The following CFTR variants were observed in gnomAD, a reference collection of about 807,000 sequenced individuals.
CFTR encodes CF transmembrane conductance regulator, also known as cystic fibrosis transmembrane conductance regulator.
Under a neutral mutation model 171.6 loss-of-function variants are expected in CFTR, and 181 were observed. The observed-to-expected ratio is 1.05, with a 90% CI of 0.93 to 1.19. The LOEUF (loss-of-function observed/expected upper bound fraction) is 1.19, where lower values mean the gene tolerates loss of function less well. Ranked by LOEUF, CFTR falls within the 50% of genes most tolerant of loss-of-function variation. CFTR has a pLI of 0.00. For missense variants in CFTR, 1,968 were observed against 1,734.7 expected (o/e 1.13, Z -2.39); for synonymous variants, 583 against 608.0 (o/e 0.96, Z 0.60).
chr7:117,595,449 A>G (rs1792105456), intron 15 of CFTR, among the ~76,000 whole-genome samples: 1 of 150,642 alleles, frequency 6.6e-6, no homozygotes, highest in Non-Finnish European at 1.5e-5. Context: ...GATTGAAATT[A>G]AACAATTAGA....
intron 1 of CFTR, among the ~76,000 whole-genome samples, chr7:117,501,590 A>T (rs1046514976): frequency 1.3e-5 from 2 of 151,582 alleles, no homozygotes; most frequent in African/African-American, 4.8e-5. Context: ...TACTAAAAAT[A>T]TAAAAAAATA....
chr7:117,581,575 A>G (rs1336244644), intron 11 of CFTR, among the ~76,000 whole-genome samples: 1 of 152,282 alleles, frequency 6.6e-6, no homozygotes, highest in Non-Finnish European at 1.5e-5. Context: ...AATTTTTACA[A>G]CTGTTAAAGG....
intron 24 of CFTR, among the ~76,000 whole-genome samples, chr7:117,661,261 A>T (rs1316162184): frequency 6.6e-6 from 1 of 152,200 alleles, no homozygotes; most frequent in East Asian, 1.9e-4. Context: ...ACAGTGAATA[A>T]AACAGTGAGA....
At chr7:117,500,140 A>G (rs2116629301) in intron 1 of CFTR, among the ~76,000 whole-genome samples, 1 of 152,246 alleles carries the variant, frequency 6.6e-6, no homozygotes, top group South Asian at 2.1e-4. Context: ...TTTTCAAAAG[A>G]AAGGGTGGCT....
chr7:117,628,282 A>G (rs1485475347), intron 22 of CFTR, among the ~76,000 whole-genome samples: 1 of 152,162 alleles, frequency 6.6e-6, no homozygotes, highest in Non-Finnish European at 1.5e-5. Context: ...TGAGTAATTG[A>G]CATTATTTTG....
At chr7:117,631,416 T>C (rs974861372) in intron 22 of CFTR, among the ~76,000 whole-genome samples, 10 of 152,082 alleles carry the variant, frequency 6.6e-5, no homozygotes, top group African/African-American at 2.2e-4. Context: ...TTTTGGGAAG[T>C]CCCTAAAGAC....
chr7:117,504,684 T>A (rs1056764547), intron 2 of CFTR, among the ~76,000 whole-genome samples: 3 of 151,428 alleles, frequency 2.0e-5, no homozygotes, highest in Non-Finnish European at 4.4e-5. Flanking sequence ...AGCCCAGGAG[T>A]TTGAGGTTGC....
Position 117,665,465 on chromosome 7 carries a change from C to T in CFTR, c.4143C>T (p.Tyr1381=), listed in dbSNP as rs397508683. The change falls in exon 26 of 27, where the codon TAC becomes TAT. Residue 1381 remains tyrosine (Y), a synonymous_variant. Coordinates refer to ENST00000003084, the MANE Select transcript of CFTR (RefSeq NM_000492.4). Reference sequence around the variant, plus strand: ...TATTTTCTTTCTTTTCTAGAACATACCAAATAATTAGAAGAACTCTAAAAC... The same window carrying T: ...TATTTTCTTTCTTTTCTAGAACATATCAAATAATTAGAAGAACTCTAAAAC... ...EPSAHLDPVT[Y]QIIRRTLKQA... 2.5e-6 allele frequency: 4 copies of T among 1,591,664 alleles called. No homozygotes were observed. The highest frequency in any genetic ancestry group is 1.1e-5 in the South Asian group (1 of 90,640).
At chr7:117,577,818 T>A (rs1170508694) in intron 11 of CFTR, among the ~76,000 whole-genome samples, 14 of 152,158 alleles carry the variant, frequency 9.2e-5, no homozygotes, top group Admixed American at 9.2e-4. Context: ...GATAAATCTT[T>A]GGAAAGTGGG....
At position 117,592,603 on chromosome 7, in the gene CFTR, A is replaced by T; in HGVS notation, c.2436A>T (p.Leu812Phe). Residue 812 changes from leucine (L) to phenylalanine (F), a missense_variant, in exon 14 of 27, where the codon TTA (leucine) becomes TTT (phenylalanine). Physicochemically the swap from Leu to Phe is conservative, Grantham distance 22. Coordinates refer to ENST00000003084, the MANE Select transcript of CFTR (RefSeq NM_000492.4). ...AACTGGATATATATTCAAGAAGGTT[A>T]TCTCAAGAAACTGGCTTGGAAATAA... ...LTELDIYSRR[L>F]SQETGLEISE... is the part of the protein sequence containing the mutation. 2 of 1,529,050 alleles carry T rather than the reference A, an allele frequency of 1.3e-6. No individual in the cohort carries two copies. The highest frequency in any genetic ancestry group is 1.7e-6 in the Non-Finnish European group (2 of 1,145,508). 94.7% of individuals were successfully genotyped at this position (1,529,050 alleles called of 1,614,324 possible).
intron 24 of CFTR, among the ~76,000 whole-genome samples, chr7:117,659,844 A>G (rs540098988): frequency 2.6e-4 from 40 of 152,346 alleles, no homozygotes; most frequent in African/African-American, 8.7e-4. Flanking sequence ...ACAGAGTATC[A>G]AAAGGAGTTG....
chr7:117,494,742 TATAAA>T (rs980936699), intron 1 of CFTR, among the ~76,000 whole-genome samples: 42 of 152,094 alleles, frequency 2.8e-4, no homozygotes, highest in African/African-American at 9.9e-4. Flanking sequence ...ATGGAATAAT[TATAAA>T]ATAAATACCA....
chr7:117,557,480 A>C (rs1799379677), intron 10 of CFTR, among the ~76,000 whole-genome samples: 1 of 152,140 alleles, frequency 6.6e-6, no homozygotes, highest in African/African-American at 2.4e-5. Context: ...ATTAACAGAT[A>C]AAGTTGAATT....
At chr7:117,623,648 C>T (rs1460144597) in intron 21 of CFTR, among the ~76,000 whole-genome samples, 13 of 152,152 alleles carry the variant, frequency 8.5e-5, no homozygotes, top group Admixed American at 8.5e-4. Context: ...GGCTGAGGCG[C>T]TGAGGGGTAA....
In CFTR at chr7:117,660,666, ATGTGTGTGTG is replaced by A. The variant is rs57950576; in HGVS notation, c.3964-4008_3964-3999del. Among the ~76,000 whole-genome samples, 3 of 149,144 alleles carry A rather than the reference ATGTGTGTGTG, an allele frequency of 2.0e-5. No individual in the cohort carries two copies. In the East Asian group the frequency reaches 5.9e-4, roughly 29 times the overall value. Reference sequence around the variant, plus strand: ...AAGAAAGATTATATTGGGGATATATATGTGTGTGTGTGTGTGTGTGTGTATATACACACAC... The same window carrying A: ...AAGAAAGATTATATTGGGGATATATATGTGTGTGTGTGTATATACACACAC... On this transcript the variant is annotated intron_variant, in intron 24 of 26. Coordinates refer to ENST00000003084, the MANE Select transcript of CFTR (RefSeq NM_000492.4).
intron 23 of CFTR, among the ~76,000 whole-genome samples, chr7:117,652,636 A>G (rs1401663343): frequency 6.6e-6 from 1 of 152,156 alleles, no homozygotes; most frequent in African/African-American, 2.4e-5. Flanking sequence ...GACTCCAAAT[A>G]TTGCTGTAGT....
intron 10 of CFTR, among the ~76,000 whole-genome samples, chr7:117,550,380 TTCTC>T (rs929131736): frequency 6.6e-6 from 1 of 152,174 alleles, no homozygotes; most frequent in Non-Finnish European, 1.5e-5. Context: ...ATTTGGTTGT[TTCTC>T]TCTCCAGTTG....
intron 19 of CFTR, 31 bp downstream of exon 19, chr7:117,610,700 G>A (rs750351366): frequency 2.5e-6 from 4 of 1,610,554 alleles, no homozygotes; most frequent in Non-Finnish European, 3.4e-6. Flanking sequence ...TACTCATCTT[G>A]TAAAAAAGCT....
intron 23 of CFTR, 81 bp downstream of exon 23, chr7:117,642,674 C>A: frequency 7.1e-7 from 1 of 1,412,814 alleles, no homozygotes; most frequent in Non-Finnish European, 9.9e-7. Flanking sequence ...TCAAGAAATT[C>A]ATATTACTCT....
Sources: allele counts gnomAD v4.1 joint callset (sites outside exome capture counted in the v4.1 genomes callset), GRCh38; gene constraint gnomAD v4.1.1; transcripts MANE v1.5; gene names NCBI Gene and HGNC (gene_info 2026-07-23, HGNC 2026-07-21).